The following PTPRJ variants were observed in gnomAD, a reference collection of about 807,000 sequenced individuals.
The protein encoded by PTPRJ is receptor-type tyrosine-protein phosphatase eta.
A neutral mutation model predicts 141.3 loss-of-function variants in PTPRJ; 129 were observed. That is an observed-to-expected ratio of 0.91 (90% CI 0.79 to 1.06). The LOEUF is 1.06. Ranked by LOEUF, PTPRJ falls within the 50% of genes least tolerant of loss-of-function variation. The probability of loss-of-function intolerance (pLI) is 0.00; values close to 1 mark genes in which losing one functional copy is unlikely to be tolerated. For synonymous variants in PTPRJ, 610 were observed against 640.5 expected, an observed-to-expected ratio of 0.95 and a Z score of 0.72; for missense variants, 1,601 against 1,679.7, an observed-to-expected ratio of 0.95 and a Z score of 0.82.
intron 1 of PTPRJ, among the ~76,000 whole-genome samples, chr11:48,060,021 CTG>C (rs1388060283): frequency 6.6e-6 from 1 of 152,142 alleles, no homozygotes; most frequent in East Asian, 1.9e-4. Context: ...TGGGAAGCCT[CTG>C]TGGAAGGGAG....
intron 8 of PTPRJ, chr11:48,132,606 T>G (rs534396997): frequency 1.1e-6 from 1 of 941,610 alleles, no homozygotes; most frequent in East Asian, 1.2e-4. Context: ...GATGAGTTAA[T>G]GGGTGCAGCA....
intron 22 of PTPRJ, among the ~76,000 whole-genome samples, chr11:48,162,589 T>C (rs1340663249): frequency 1.3e-5 from 2 of 152,208 alleles, no homozygotes; most frequent in Non-Finnish European, 2.9e-5. Flanking sequence ...ATTCTTATCA[T>C]GAATATACAT....
At position 47,980,601 on chromosome 11, in the gene PTPRJ, C is replaced by T; in HGVS notation, c.-312C>T. ...GCGCGGAGGAGGCAGCGGGAGCAGC[C>T]GCGGGAGCCGGGACCGGGTAGCCGC... On this transcript the variant is annotated 5_prime_UTR_variant, in exon 1 of 25. Coordinates refer to ENST00000418331, the MANE Select transcript of PTPRJ (RefSeq NM_002843.4). The T allele has an allele frequency of 1.0e-6, 1 of 983,200 alleles. No individual in the cohort carries two copies. The highest frequency in any genetic ancestry group is 1.2e-6 in the Non-Finnish European group (1 of 829,352). 60.9% of individuals were successfully genotyped at this position (983,200 alleles called of 1,614,324 possible). A position where few individuals can be genotyped will look rare whatever the true frequency, so the allele number is the denominator to read the frequency against.
chr11:48,013,490 T>G (rs947124850), intron 1 of PTPRJ, among the ~76,000 whole-genome samples: 2 of 152,188 alleles, frequency 1.3e-5, no homozygotes, highest in Admixed American at 1.3e-4. Flanking sequence ...AAGTGCTCAG[T>G]AAACATTTGT....
chr11:48,108,573 G>A (rs185928325), intron 1 of PTPRJ, among the ~76,000 whole-genome samples: 3 of 152,314 alleles, frequency 2.0e-5, no homozygotes, highest in African/African-American at 7.2e-5. Context: ...GCGTTTGCAA[G>A]TATAGCCTCC....
chr11:48,021,439 TAA>T (rs1312743653), intron 1 of PTPRJ, among the ~76,000 whole-genome samples: 1 of 147,052 alleles, frequency 6.8e-6, no homozygotes, highest in Admixed American at 6.7e-5. Context: ...ATAAAATAAA[TAA>T]AAAAAGAGGT....
At chr11:47,988,307 C>T (rs550084845) in intron 1 of PTPRJ, among the ~76,000 whole-genome samples, 1 of 151,892 alleles carries the variant, frequency 6.6e-6, no homozygotes, top group Non-Finnish European at 1.5e-5. Flanking sequence ...AATATTGTAT[C>T]CAATTTCAGA....
At chr11:48,042,001 GGAGA>G (rs150592572) in intron 1 of PTPRJ, among the ~76,000 whole-genome samples, 1 of 144,708 alleles carries the variant, frequency 6.9e-6, no homozygotes. Flanking sequence ...GGTGGGGGGT[GGAGA>G]GAGAGAGAGA....
At chr11:48,101,861 G>A (rs994565802) in intron 1 of PTPRJ, among the ~76,000 whole-genome samples, 1 of 152,186 alleles carries the variant, frequency 6.6e-6, no homozygotes, top group Non-Finnish European at 1.5e-5. Flanking sequence ...GAAACTCTCT[G>A]CTCTTTTTTG....
rs897490737 is a variant in PTPRJ, at chr11:48,158,535, A to T, written c.3439-1395A>T. On this transcript the variant is annotated intron_variant, in intron 21 of 24. Transcript: ENST00000418331. The surrounding 1 kb of genome is among the most constrained non-coding windows in gnomAD (Gnocchi z 4.4). ...ATACCTGGTAAGAGGCTGAGCTGGG[A>T]ATCAACTCCATGTCAGTGTGTATCC... Among the ~76,000 whole-genome samples, 1 of 152,180 alleles carries T rather than the reference A, an allele frequency of 6.6e-6. No homozygotes were observed. The highest frequency in any genetic ancestry group is 6.5e-5 in the Admixed American group (1 of 15,274).
chr11:47,980,727 G>A lies in PTPRJ; in HGVS notation c.-186G>A. 1.0e-6 allele frequency: 1 copy of A among 1,003,414 alleles called. No individual in the cohort carries two copies. The highest frequency in any genetic ancestry group is 1.2e-6 in the Non-Finnish European group (1 of 843,606). The allele number at this position is 1,003,414 out of a possible 1,614,324, so 62.2% of individuals were successfully genotyped here. A position where few individuals can be genotyped will look rare whatever the true frequency, so the allele number is the denominator to read the frequency against. On this transcript the variant is annotated 5_prime_UTR_variant, in exon 1 of 25. Coordinates refer to ENST00000418331, the MANE Select transcript of PTPRJ (RefSeq NM_002843.4). ...CCGCGCTAGGCTCCGGCGTGTGGCC[G>A]CGGCCGCCGCCGCCGCTGCCATGTC...
chr11:47,980,848 C>T lies in PTPRJ; in HGVS notation c.-65C>T. On this transcript the variant is annotated 5_prime_UTR_variant, in exon 1 of 25. Transcript: ENST00000418331. Reference sequence around the variant, plus strand: ...CGGCAGGAGGCGGCGACGACGGTGCCCGGGCTCGGGCGCACGGCGGGGCCC... The same window carrying T: ...CGGCAGGAGGCGGCGACGACGGTGCTCGGGCTCGGGCGCACGGCGGGGCCC... The T allele has an allele frequency of 9.3e-7, 1 of 1,072,158 alleles. No individual in the cohort carries two copies. The highest frequency in any genetic ancestry group is 1.1e-6 in the Non-Finnish European group (1 of 888,132). 66.4% of individuals were successfully genotyped at this position (1,072,158 alleles called of 1,614,324 possible). A position where few individuals can be genotyped will look rare whatever the true frequency, so the allele number is the denominator to read the frequency against.
chr11:48,020,602 G>T (rs182028904), intron 1 of PTPRJ, among the ~76,000 whole-genome samples: 7 of 152,156 alleles, frequency 4.6e-5, no homozygotes, highest in Non-Finnish European at 1.0e-4. Flanking sequence ...GACTGCAGCC[G>T]GACATGGCTC....
At chr11:48,037,889 C>T (rs1366839364) in intron 1 of PTPRJ, among the ~76,000 whole-genome samples, 1 of 151,984 alleles carries the variant, frequency 6.6e-6, no homozygotes, top group Admixed American at 6.6e-5. Flanking sequence ...CCTGCCATCT[C>T]CTTTTCACTT....
chr11:48,054,597 G>C (rs1205024514), intron 1 of PTPRJ, among the ~76,000 whole-genome samples: 1 of 148,092 alleles, frequency 6.8e-6, no homozygotes. Context: ...TTCACCGCTT[G>C]TTTGCCCTCT....
chr11:48,166,115 G>A (rs1427081471), intron 24 of PTPRJ, among the ~76,000 whole-genome samples: 3 of 151,438 alleles, frequency 2.0e-5, no homozygotes, highest in Non-Finnish European at 4.4e-5. Context: ...CGCCCGCCTC[G>A]GCCTCCCAAA....
intron 1 of PTPRJ, among the ~76,000 whole-genome samples, chr11:48,032,273 T>C (rs1236952061): frequency 6.6e-6 from 1 of 152,208 alleles, no homozygotes; most frequent in Non-Finnish European, 1.5e-5. Flanking sequence ...TTCAAAACCT[T>C]ATGAAACACA....
intron 1 of PTPRJ, among the ~76,000 whole-genome samples, chr11:48,093,793 TAA>T (rs746278822): frequency 2.4e-4 from 31 of 128,038 alleles, no homozygotes; most frequent in Admixed American, 3.1e-4. Context: ...TTTGCTGCCC[TAA>T]AAAAAAAAAA....
At chr11:48,091,352 A>G (rs1489907789) in intron 1 of PTPRJ, among the ~76,000 whole-genome samples, 2 of 152,172 alleles carry the variant, frequency 1.3e-5, no homozygotes, top group African/African-American at 4.8e-5. Flanking sequence ...GAAGCTTGCT[A>G]TTGCCCTAAT....
Sources: gnomAD v4.1 joint callset for allele counts (sites outside exome capture counted in the v4.1 genomes callset) on GRCh38, gnomAD v4.1.1 for gene constraint, Gnocchi (gnomAD v3.1) non-coding constraint, MANE v1.5 for transcripts, NCBI Gene and HGNC (gene_info 2026-07-23, HGNC 2026-07-21) for gene names.